The following SLC9A9 variants were observed in gnomAD, a reference collection of about 807,000 sequenced individuals.
SLC9A9 encodes sodium/hydrogen exchanger 9.
In SLC9A9, 62 loss-of-function variants were observed where a neutral mutation model predicts 77.8. That is an observed-to-expected ratio of 0.80 (90% CI 0.65 to 0.98). The LOEUF is 0.98. SLC9A9 is among the 50% of genes least tolerant of loss of function. SLC9A9 has a pLI of 0.00. For synonymous variants in SLC9A9, 320 were observed against 283.5 expected, an observed-to-expected ratio of 1.13 and a Z score of -1.29; for missense variants, 775 against 774.9, an observed-to-expected ratio of 1.00 and a Z score of 0.00.
At chr3:143,277,808 C>T (rs1461978112) in intron 14 of SLC9A9, among the ~76,000 whole-genome samples, 1 of 152,144 alleles carries the variant, frequency 6.6e-6, no homozygotes, top group Admixed American at 6.5e-5. Context: ...AGGTCACTTC[C>T]CTGACAATTT....
intron 14 of SLC9A9, among the ~76,000 whole-genome samples, chr3:143,322,195 G>A (rs1484854272): frequency 6.6e-6 from 1 of 151,990 alleles, no homozygotes. Context: ...ATATTTTTCC[G>A]GGCGTGTCTG....
intron 14 of SLC9A9, among the ~76,000 whole-genome samples, chr3:143,327,052 C>T (rs2031628487): frequency 6.6e-6 from 1 of 152,250 alleles, no homozygotes; most frequent in South Asian, 2.1e-4. Flanking sequence ...TGAAATAGCT[C>T]ATAAATGGTC....
chr3:143,715,041 C>T (rs144611972), intron 4 of SLC9A9, among the ~76,000 whole-genome samples: 76 of 152,298 alleles, frequency 5.0e-4, no homozygotes, highest in African/African-American at 1.8e-3. Flanking sequence ...CCGTGTAAGA[C>T]GTGACTTGTT....
intron 13 of SLC9A9, among the ~76,000 whole-genome samples, chr3:143,365,863 C>A (rs2032886764): frequency 6.6e-6 from 1 of 152,170 alleles, no homozygotes; most frequent in South Asian, 2.1e-4. Context: ...TCTGGCAAAG[C>A]AAAACTGCTC....
chr3:143,396,635 C>A (rs941242613), intron 12 of SLC9A9, among the ~76,000 whole-genome samples: 1 of 151,986 alleles, frequency 6.6e-6, no homozygotes, highest in Non-Finnish European at 1.5e-5. Flanking sequence ...AGGATCTAGC[C>A]CCTAGAAAAT....
chr3:143,820,733 C>T (rs751388745), intron 2 of SLC9A9, among the ~76,000 whole-genome samples: 5 of 152,292 alleles, frequency 3.3e-5, no homozygotes, highest in South Asian at 4.1e-4. Context: ...TCAGGAGTCA[C>T]GAGCCATGCA....
At chr3:143,714,036 C>T (rs906903259) in intron 4 of SLC9A9, among the ~76,000 whole-genome samples, 13 of 152,104 alleles carry the variant, frequency 8.5e-5, no homozygotes, top group Admixed American at 2.6e-4. Context: ...TCTCAGTTTG[C>T]GATTAGAATG....
intron 9 of SLC9A9, among the ~76,000 whole-genome samples, chr3:143,546,411 A>G (rs2036789880): frequency 6.6e-6 from 1 of 152,252 alleles, no homozygotes. Flanking sequence ...CAAATACATG[A>G]AAACATCTAT....
At chr3:143,756,313 A>G (rs1374631021) in intron 4 of SLC9A9, among the ~76,000 whole-genome samples, 1 of 152,208 alleles carries the variant, frequency 6.6e-6, no homozygotes, top group Non-Finnish European at 1.5e-5. Flanking sequence ...AAATCCTTGA[A>G]ATAAACCAAT....
intron 9 of SLC9A9, among the ~76,000 whole-genome samples, chr3:143,534,577 T>C (rs2036562198): frequency 6.6e-6 from 1 of 152,204 alleles, no homozygotes; most frequent in African/African-American, 2.4e-5. Flanking sequence ...TGGCTGATGT[T>C]AAGCTTCAGG....
intron 1 of SLC9A9, among the ~76,000 whole-genome samples, chr3:143,839,896 GTT>G (rs2009664552): frequency 2.0e-5 from 3 of 152,164 alleles, no homozygotes; most frequent in Non-Finnish European, 4.4e-5. Context: ...ATTACAAAGT[GTT>G]ATAGACGGTG....
chr3:143,555,933 G>A (rs534406081), intron 8 of SLC9A9, among the ~76,000 whole-genome samples: 1 of 152,278 alleles, frequency 6.6e-6, no homozygotes, highest in African/African-American at 2.4e-5. Flanking sequence ...AAATTGATCT[G>A]ACCCTTAGTA....
At chr3:143,386,498 T>C (rs2033429109) in intron 12 of SLC9A9, among the ~76,000 whole-genome samples, 1 of 152,204 alleles carries the variant, frequency 6.6e-6, no homozygotes, top group Non-Finnish European at 1.5e-5. Flanking sequence ...ACCAATACAA[T>C]GGGGATAATT....
chr3:143,806,560 G>A (rs2008718878), intron 2 of SLC9A9, among the ~76,000 whole-genome samples: 1 of 152,044 alleles, frequency 6.6e-6, no homozygotes, highest in African/African-American at 2.4e-5. Flanking sequence ...AAAATGGAAT[G>A]AATTATACCC....
At chr3:143,581,659 G>T (rs907945877) in intron 6 of SLC9A9, among the ~76,000 whole-genome samples, 2 of 152,264 alleles carry the variant, frequency 1.3e-5, no homozygotes, top group Non-Finnish European at 1.5e-5. Flanking sequence ...TTAAAAAGGC[G>T]ATCATGTTGT....
At chr3:143,299,447 A>AT (rs575643487) in intron 14 of SLC9A9, among the ~76,000 whole-genome samples, 171 of 141,492 alleles carry the variant, frequency 1.2e-3, no homozygotes, top group Middle Eastern at 3.6e-3. Flanking sequence ...GGACCTACAC[A>AT]TTTTTTTTTT....
intron 6 of SLC9A9, among the ~76,000 whole-genome samples, chr3:143,584,583 A>AT (rs1166231952): frequency 6.6e-6 from 1 of 152,238 alleles, no homozygotes; most frequent in Non-Finnish European, 1.5e-5. Context: ...AGAACCTTCC[A>AT]TTTTCTCTGC....
At chr3:143,318,252 G>A (rs1220265601) in intron 14 of SLC9A9, among the ~76,000 whole-genome samples, 1 of 152,120 alleles carries the variant, frequency 6.6e-6, no homozygotes, top group Non-Finnish European at 1.5e-5. Context: ...GTAAATCAAG[G>A]CTAGAATATT....
chr3:143,661,550 G>A (rs2038978605), intron 5 of SLC9A9, among the ~76,000 whole-genome samples: 1 of 152,078 alleles, frequency 6.6e-6, no homozygotes, highest in South Asian at 2.1e-4. Context: ...AACACCTCCA[G>A]ATTTTCTTCA....
Sources: allele counts gnomAD v4.1 joint callset (sites outside exome capture counted in the v4.1 genomes callset), GRCh38; gene constraint gnomAD v4.1.1; transcripts MANE v1.5; gene names NCBI Gene and HGNC (gene_info 2026-07-23, HGNC 2026-07-21).